Variants in FLNB observed in about 807,000 individuals in gnomAD.
FLNB encodes the protein filamin B.
Under a neutral mutation model 250.6 loss-of-function variants are expected in FLNB, and 111 were observed. The observed-to-expected ratio is 0.44, with a 90% CI of 0.38 to 0.52. The LOEUF is 0.52. Among genes scored for constraint, FLNB ranks in the 20% least tolerant of loss-of-function variants. FLNB has a pLI of 0.00. For missense variants in FLNB, 2,869 were observed against 3,447.8 expected (o/e 0.83, Z 4.20); for synonymous variants, 1,302 against 1,372.1 (o/e 0.95, Z 1.13).
chr3:58,170,631 T>C lies in FLNB; in HGVS notation c.7678T>C (p.Ser2560Pro). Residue 2560 changes from serine (S) to proline (P), a missense_variant, in exon 46 of 46, where the codon TCC (serine) becomes CCC (proline). Ser to Pro is a moderately conservative substitution (Grantham distance 74). Around this residue, in one of 5 missense-constraint regions of FLNB, gnomAD observed 1,084 missense variants for 1,315.5 expected, o/e 0.82. Coordinates refer to ENST00000295956, the MANE Select transcript of FLNB (RefSeq NM_001457.4). ...HGPTTPCEEVSMKHVGNQQYN... is the reference protein window; with the variant it reads ...HGPTTPCEEVPMKHVGNQQYN... Reference sequence around the variant, plus strand: ...GCCCACCACCCCCTGCGAGGAGGTCTCCATGAAGCATGTAGGCAACCAGCA... The same window carrying C: ...GCCCACCACCCCCTGCGAGGAGGTCCCCATGAAGCATGTAGGCAACCAGCA... 1 of 1,614,112 alleles carries C rather than the reference T, an allele frequency of 6.2e-7. No homozygotes were observed. Among genetic ancestry groups the C allele is most frequent in the Non-Finnish European group, 8.5e-7 (1 of 1,180,026 alleles).
intron 1 of FLNB, among the ~76,000 whole-genome samples, chr3:58,043,187 C>A (rs186496837): frequency 1.8e-3 from 237 of 134,316 alleles, no homozygotes; most frequent in African/African-American, 6.1e-3. Flanking sequence ...CACTCTGTTG[C>A]CCGGGGGAAT....
intron 9 of FLNB, among the ~76,000 whole-genome samples, chr3:58,103,159 C>T (rs922048747): frequency 1.3e-5 from 2 of 152,140 alleles, no homozygotes; most frequent in African/African-American, 2.4e-5. Context: ...GGCTTTGGGT[C>T]AGGCTGTGCC....
chr3:58,049,148 G>C (rs1033790015), intron 1 of FLNB, among the ~76,000 whole-genome samples: 2 of 152,198 alleles, frequency 1.3e-5, no homozygotes, highest in Admixed American at 6.5e-5. Context: ...AAGTCGTTGC[G>C]TAGGACATAC....
chr3:58,028,253 T>C (rs909622093), intron 1 of FLNB, among the ~76,000 whole-genome samples: 1 of 152,148 alleles, frequency 6.6e-6, no homozygotes, highest in East Asian at 1.9e-4. Flanking sequence ...GCTTGTGGTC[T>C]AGTAGTGGGG....
chr3:58,112,772 C>G (rs959368824), intron 18 of FLNB, among the ~76,000 whole-genome samples: 1 of 152,176 alleles, frequency 6.6e-6, no homozygotes, highest in African/African-American at 2.4e-5. Context: ...CCTTCCTGGT[C>G]CTTTTAGCTT....
chr3:58,109,501 A>G (rs2107119053), intron 14 of FLNB, 75 bp from the exon 15 acceptor site: 2 of 1,611,830 alleles, frequency 1.2e-6, no homozygotes, highest in Non-Finnish European at 1.7e-6. Flanking sequence ...AACTATTTCT[A>G]ACAATGTTTT....
At chr3:58,059,935 G>A (rs2097175614) in intron 1 of FLNB, among the ~76,000 whole-genome samples, 1 of 152,200 alleles carries the variant, frequency 6.6e-6, no homozygotes, top group South Asian at 2.1e-4. Flanking sequence ...TGGAGTCATG[G>A]CCTGGGTTCA....
In FLNB at chr3:58,154,877, G is replaced by A. The variant is rs759839575; in HGVS notation, c.6721G>A (p.Asp2241Asn). 9.9e-6 allele frequency: 16 copies of A among 1,613,996 alleles called. No individual in the cohort carries two copies. Among genetic ancestry groups the A allele is most frequent in the Admixed American group, 8.3e-5 (5 of 60,018 alleles). Reference protein sequence around the residue: ...EGPSKAEITFDDHKNGSCGVS... With the variant: ...EGPSKAEITFNDHKNGSCGVS... ...CCCCAGTAAGGCCGAGATTACATTC[G>A]ATGACCATAAAAATGGGTCGTGCGG... is the stretch of plus-strand genomic sequence containing the variant. Residue 2241 changes from aspartate to asparagine, a missense_variant, in exon 40 of 46, where the codon GAT (aspartate) becomes AAT (asparagine). By Grantham distance (23) the Asp-to-Asn change is conservative. Transcript: ENST00000295956.
chr3:58,102,261 T>C lies in FLNB; in HGVS notation c.1404T>C (p.Arg468=). The C allele has an allele frequency of 6.2e-7, 1 of 1,614,210 alleles. No individual in the cohort carries two copies. Among genetic ancestry groups the C allele is most frequent in the Non-Finnish European group, 8.5e-7 (1 of 1,180,010 alleles). ...SGRGLQPKGV[R]IRETTDFKVD... is the part of the protein sequence containing the mutation. ...GAGGCCTACAACCCAAAGGCGTCCG[T>C]ATCCGGGAGACCACAGATTTCAAGG... Residue 468 remains arginine (R), a synonymous_variant, in exon 9 of 46, where the codon CGT becomes CGC. Coordinates refer to ENST00000295956, the MANE Select transcript of FLNB (RefSeq NM_001457.4).
At chr3:58,134,871 A>G (rs2097313465) in intron 27 of FLNB, 99 bp downstream of exon 27, 7 of 1,118,666 alleles carry the variant, frequency 6.3e-6, no homozygotes, top group East Asian at 4.7e-5. Context: ...TTCTGACTCA[A>G]TGCAAGTTGT....
At chr3:58,112,490 C>T (rs1559701832) in intron 18 of FLNB, among the ~76,000 whole-genome samples, 172 bp downstream of exon 18, 1 of 152,234 alleles carries the variant, frequency 6.6e-6, no homozygotes, top group African/African-American at 2.4e-5. Flanking sequence ...CTATAGGAAG[C>T]CCAATGGGTT....
At position 58,123,526 on chromosome 3, in the gene FLNB, A is replaced by G. The variant is rs769338642; in HGVS notation, c.3560A>G (p.Asp1187Gly). 2 of 1,605,186 alleles carry G rather than the reference A, an allele frequency of 1.2e-6. No individual in the cohort carries two copies. Among genetic ancestry groups the G allele is most frequent in the Admixed American group, 3.4e-5 (2 of 58,870 alleles). The change falls in exon 21 of 46, where the codon GAT becomes GGT. Residue 1187 changes from aspartate (D) to glycine (G), a missense_variant. Asp to Gly is a moderately conservative substitution (Grantham distance 94). Coordinates refer to ENST00000295956, the MANE Select transcript of FLNB (RefSeq NM_001457.4). ...KAEVSIQNNK[D>G]GTYAVTYVPL... ...GAAGTCAGTATTCAGAACAACAAAG[A>G]TGGCACCTACGCGGTGACCTACGTG...
intron 1 of FLNB, among the ~76,000 whole-genome samples, chr3:58,025,133 C>CTTTTTTTTTTTTTTTTTT (rs57706596): frequency 1.7e-5 from 2 of 116,548 alleles, no homozygotes; most frequent in African/African-American, 3.4e-5. Context: ...TTCTTTCTTT[C>CTTTTTTTTTTTTTTTTTT]TTTTTTTTTT....
chr3:58,123,730 A>C, intron 21 of FLNB, 40 bp downstream of exon 21: 4 of 1,463,580 alleles, frequency 2.7e-6, no homozygotes, highest in South Asian at 1.2e-5. Context: ...AAAAAAAGAC[A>C]AGCTGGGACT....
intron 20 of FLNB, 145 bp from the exon 21 acceptor site, chr3:58,122,948 T>A (rs780924795): frequency 3.4e-5 from 27 of 783,024 alleles, no homozygotes; most frequent in African/African-American, 2.2e-4. Context: ...CTTTAACTCG[T>A]GTGCACGTGT....
intron 4 of FLNB, among the ~76,000 whole-genome samples, chr3:58,084,833 GA>G (rs1364656727): frequency 6.6e-6 from 1 of 151,874 alleles, no homozygotes; most frequent in Non-Finnish European, 1.5e-5. Context: ...TTATTCTAGG[GA>G]CCTCCTAGAA....
intron 1 of FLNB, among the ~76,000 whole-genome samples, chr3:58,056,211 T>A (rs1407175196): frequency 6.6e-6 from 1 of 151,092 alleles, no homozygotes; most frequent in Non-Finnish European, 1.5e-5. Context: ...AAGGGATTCT[T>A]CTGCCTCAGG....
At chr3:58,160,458 G>A (rs568266085) in intron 42 of FLNB, among the ~76,000 whole-genome samples, 1 of 152,148 alleles carries the variant, frequency 6.6e-6, no homozygotes, top group African/African-American at 2.4e-5. Context: ...TTTAGTGAAG[G>A]CCTGGCCAAA....
intron 5 of FLNB, 136 bp downstream of exon 5, chr3:58,095,090 C>T (rs1264149625): frequency 1.3e-6 from 1 of 757,548 alleles, no homozygotes; most frequent in East Asian, 2.5e-5. Flanking sequence ...GATACTGAGG[C>T]TTATAGCTGT....
Sources: allele counts gnomAD v4.1 joint callset (sites outside exome capture counted in the v4.1 genomes callset), GRCh38; gene constraint gnomAD v4.1.1; regional missense constraint gnomAD v4.1.1; transcripts MANE v1.5; gene names NCBI Gene and HGNC (gene_info 2026-07-23, HGNC 2026-07-21).